CCDC191: variants seen among roughly 807,000 people sequenced by gnomAD.
CCDC191 encodes the protein coiled-coil domain containing 191, also known as coiled-coil domain-containing protein 191.
A neutral mutation model predicts 114.0 loss-of-function variants in CCDC191; 99 were observed. The ratio of observed to expected loss-of-function variants is 0.87; its 90% CI spans 0.74 to 1.03. The LOEUF (loss-of-function observed/expected upper bound fraction) is 1.03. CCDC191 is among the 50% of genes least tolerant of loss of function. The pLI is 0.00. For synonymous variants in CCDC191, 351 were observed against 376.0 expected (o/e 0.93, Z 0.77); for missense variants, 973 against 1,087.0 (o/e 0.90, Z 1.47).
intron 16 of CCDC191, among the ~76,000 whole-genome samples, chr3:113,966,846 C>T (rs973988189): frequency 1.2e-4 from 19 of 152,146 alleles, no homozygotes; most frequent in Middle Eastern, 3.4e-3. Flanking sequence ...CACCTGTAAT[C>T]CCAGCACTTT....
At chr3:114,009,402 T>C (rs141106676) in intron 9 of CCDC191, among the ~76,000 whole-genome samples, 1 of 152,312 alleles carries the variant, frequency 6.6e-6, no homozygotes, top group East Asian at 1.9e-4. Context: ...CTTTATATAC[T>C]TATTCCATAA....
intron 15 of CCDC191, 60 bp from the exon 16 acceptor site, chr3:113,978,391 G>T: frequency 6.6e-7 from 1 of 1,522,032 alleles, no homozygotes; most frequent in South Asian, 1.1e-5. Context: ...AAGAATTAGA[G>T]CAAATAAACA....
chr3:113,971,158 T>C (rs1940784259), intron 16 of CCDC191, among the ~76,000 whole-genome samples: 1 of 152,238 alleles, frequency 6.6e-6, no homozygotes, highest in Non-Finnish European at 1.5e-5. Context: ...TCCACAATGA[T>C]TGAACTAGTT....
intron 16 of CCDC191, among the ~76,000 whole-genome samples, chr3:113,972,673 AG>A (rs1940941466): frequency 1.3e-5 from 2 of 152,074 alleles, no homozygotes; most frequent in South Asian, 4.1e-4. Context: ...GGCGTGTTGA[AG>A]TCCCCTATGA....
chr3:114,012,987 T>C (rs2076097090), intron 8 of CCDC191, among the ~76,000 whole-genome samples: 1 of 152,212 alleles, frequency 6.6e-6, no homozygotes, highest in South Asian at 2.1e-4. Context: ...CAGTGGCTGA[T>C]GCCTGTAATC....
At chr3:114,003,116 C>G in intron 11 of CCDC191, 1 of 985,386 alleles carries the variant, frequency 1.0e-6, no homozygotes, top group South Asian at 4.7e-5. Flanking sequence ...ATTTGGAGAA[C>G]TGGCATCTGA....
In CCDC191 at chr3:114,031,614, T is replaced by G. The variant is rs760594801; in HGVS notation, c.972+12A>C. 2 of 1,601,578 alleles carry G rather than the reference T, an allele frequency of 1.2e-6. No individual in the cohort carries two copies. Among genetic ancestry groups the G allele is most frequent in the Non-Finnish European group, 1.7e-6 (2 of 1,169,096 alleles). Reference sequence around the variant, plus strand: ...TACAGAATGCTGAGTAAAGAGACATTGCAATTCCCACCTGTTGATTTTCTT... The same window carrying G: ...TACAGAATGCTGAGTAAAGAGACATGGCAATTCCCACCTGTTGATTTTCTT... On this transcript the variant is annotated intron_variant, in intron 7 of 16. Coordinates refer to ENST00000295878, the MANE Select transcript of CCDC191 (RefSeq NM_020817.2).
chr3:114,010,661 G>T, intron 9 of CCDC191, 111 bp downstream of exon 9: 2 of 993,914 alleles, frequency 2.0e-6, no homozygotes, highest in Non-Finnish European at 1.5e-6. Context: ...CATTGAGGCA[G>T]CTCTAATCTT....
chr3:114,006,504 C>T (rs993810677), intron 9 of CCDC191, among the ~76,000 whole-genome samples: 1 of 149,284 alleles, frequency 6.7e-6, no homozygotes, highest in African/African-American at 2.5e-5. Flanking sequence ...TGCCATGGGC[C>T]AGGACATTCG....
chr3:113,980,802 G>C lies in CCDC191; in HGVS notation c.2164-9C>G. On this transcript the variant is annotated splice_polypyrimidine_tract_variant and intron_variant, in intron 13 of 16. Transcript: ENST00000295878. ...TGCTTCTCAAGTTCTTTCTGGAAAA[G>C]ATTAAAAAGCAAAATGCTATGATCA... 1 of 1,592,118 alleles carries C rather than the reference G, an allele frequency of 6.3e-7. No homozygotes were observed. Among genetic ancestry groups the C allele is most frequent in the Non-Finnish European group, 8.5e-7 (1 of 1,174,368 alleles).
chr3:114,005,576 T>C lies in CCDC191; in HGVS notation c.1800A>G (p.Thr600=). ...QWAAEHALAV[T]EAQSHLLSKP... Reference sequence around the variant, plus strand: ...TTGACAGCAGGTGGCTCTGTGCTTCTGTGACTGCTAAGGCATGCTCTGCTG... The same window carrying C: ...TTGACAGCAGGTGGCTCTGTGCTTCCGTGACTGCTAAGGCATGCTCTGCTG... The change falls in exon 10 of 17, where the codon ACA becomes ACG. Residue 600 remains threonine, a synonymous_variant. Transcript: ENST00000295878. 6.2e-7 allele frequency: 1 copy of C among 1,614,146 alleles called. No individual in the cohort carries two copies. Among genetic ancestry groups the C allele is most frequent in the Non-Finnish European group, 8.5e-7 (1 of 1,180,002 alleles).
At chr3:113,999,343 T>C (rs1280840007) in intron 13 of CCDC191, among the ~76,000 whole-genome samples, 2 of 152,156 alleles carry the variant, frequency 1.3e-5, no homozygotes, top group Middle Eastern at 3.2e-3. Context: ...TTCGGCTCCT[T>C]GTGCCACTGA....
chr3:113,978,651 C>G, intron 15 of CCDC191: 1 of 622,032 alleles, frequency 1.6e-6, no homozygotes, highest in Non-Finnish European at 2.7e-6. Flanking sequence ...TATACACACT[C>G]CGTGAAACAA....
intron 4 of CCDC191, 37 bp from the exon 5 acceptor site, chr3:114,036,823 TA>T (rs1214163882): frequency 7.3e-7 from 1 of 1,370,490 alleles, no homozygotes; most frequent in Non-Finnish European, 9.7e-7. Flanking sequence ...GGAATTTTTT[TA>T]AAAAATTAAT....
intron 6 of CCDC191, among the ~76,000 whole-genome samples, chr3:114,032,629 G>A (rs1276642232): frequency 2.0e-5 from 3 of 152,184 alleles, no homozygotes; most frequent in Non-Finnish European, 4.4e-5. Flanking sequence ...AAACTAAAAT[G>A]GAGAAAGATG....
chr3:114,053,475 T>C (rs540053410), intron 2 of CCDC191, 122 bp downstream of exon 2: 4 of 496,572 alleles, frequency 8.1e-6, no homozygotes, highest in African/African-American at 4.0e-5. Context: ...GCAACTTACA[T>C]AGTCACACGG....
At chr3:114,017,626 G>C (rs2076180913) in intron 8 of CCDC191, among the ~76,000 whole-genome samples, 2 of 152,120 alleles carry the variant, frequency 1.3e-5, no homozygotes, top group African/African-American at 4.8e-5. Context: ...ACTGCCAGTA[G>C]AGAAGTGATT....
chr3:114,036,681 A>G lies in CCDC191; in HGVS notation c.521T>C (p.Leu174Pro). Residue 174 changes from leucine (L) to proline (P), a missense_variant, in exon 5 of 17, where the codon CTT becomes CCT. Coordinates refer to ENST00000295878, the MANE Select transcript of CCDC191 (RefSeq NM_020817.2). ...CTTGTCTTGGTTTTCCTTCCTTCCA[A>G]GATCTTCCATCATTGCAGAATCTAC... is the stretch of plus-strand genomic sequence containing the variant. ...NVVDSAMMED[L>P]GRKENQDKKQ... 1.9e-6 allele frequency: 3 copies of G among 1,604,270 alleles called. No individual in the cohort carries two copies. Among genetic ancestry groups the G allele is most frequent in the Non-Finnish European group, 2.6e-6 (3 of 1,174,500 alleles).
chr3:113,968,477 G>A (rs6777842), intron 16 of CCDC191, among the ~76,000 whole-genome samples: 3,269 of 150,470 alleles, frequency 0.022, 55 homozygotes, highest in South Asian at 0.042. Context: ...TTTTTAGGGC[G>A]TCACTCTGTC....
Sources: gnomAD v4.1 joint callset for allele counts (sites outside exome capture counted in the v4.1 genomes callset) on GRCh38, gnomAD v4.1.1 for gene constraint, MANE v1.5 for transcripts, NCBI Gene and HGNC (gene_info 2026-07-23, HGNC 2026-07-21) for gene names.